The following NEB variants were observed in gnomAD, a reference collection of about 807,000 sequenced individuals.
The protein encoded by NEB is nemaline myopathy type 2.
A neutral mutation model predicts 952.2 loss-of-function variants in NEB; 512 were observed. The observed-to-expected ratio is 0.54, with a 90% confidence interval of 0.50 to 0.58. NEB has a LOEUF of 0.58. NEB is among the 20% of genes least tolerant of loss of function. The pLI, the probability that NEB is intolerant of heterozygous loss-of-function variation, is 0.00. For synonymous variants in NEB, 2,900 were observed against 3,149.8 expected, an observed-to-expected ratio of 0.92 and a Z score of 2.66; for missense variants, 8,428 against 9,231.1, an observed-to-expected ratio of 0.91 and a Z score of 3.56.
intron 12 of NEB, among the ~76,000 whole-genome samples, chr2:151,707,856 G>A (rs2149920230): frequency 6.6e-6 from 1 of 152,270 alleles, no homozygotes; most frequent in South Asian, 2.1e-4. Context: ...AAGCACAGAG[G>A]CATCAACCCC....
chr2:151,664,803 G>A lies in NEB; in HGVS notation c.5299C>T (p.Pro1767Ser), dbSNP rs2099190903. The change falls in exon 43 of 182, where the codon CCG (proline) becomes TCG (serine). Residue 1767 changes from proline (P) to serine (S), a missense_variant. Transcript: ENST00000397345. ...TTTACTCTGGAGAGTAAAATATCCG[G>A]TGTGTCAGGCATGACATGAATGGTG... ...KTTIHVMPDT[P>S]DILLSRVNQI... The A allele has an allele frequency of 1.9e-6, 3 of 1,612,920 alleles. No individual in the cohort carries two copies. The highest frequency in any genetic ancestry group is 2.7e-5 in the African/African-American group (2 of 74,860).
At chr2:151,644,636 T>C in intron 55 of NEB, 61 bp from the exon 56 acceptor site, 1 of 1,320,216 alleles carries the variant, frequency 7.6e-7, no homozygotes. Context: ...TATAGCATAA[T>C]GATCAAATGT....
chr2:151,680,713 A>G lies in NEB; in HGVS notation c.3042+17T>C. ...TTAGTTAACATCTATTAACATATAG[A>G]TAGCATTAACACTTACATCACTCCT... On this transcript the variant is annotated intron_variant, in intron 30 of 181. Coordinates refer to ENST00000397345, the MANE Select transcript of NEB (RefSeq NM_001164508.2). The G allele has an allele frequency of 6.7e-7, 1 of 1,503,210 alleles. No homozygotes were observed. Among genetic ancestry groups the G allele is most frequent in the South Asian group, 1.2e-5 (1 of 85,984 alleles). The allele number at this position is 1,503,210 out of a possible 1,614,324, so 93.1% of individuals were successfully genotyped here.
At chr2:151,545,147 T>C (rs749913865) in intron 135 of NEB, among the ~76,000 whole-genome samples, 1 of 152,350 alleles carries the variant, frequency 6.6e-6, no homozygotes, top group East Asian at 1.9e-4. Context: ...TGAATTGTAC[T>C]GAATGGGCAG....
intron 16 of NEB, among the ~76,000 whole-genome samples, 177 bp downstream of exon 16, chr2:151,696,971 C>T (rs1208189004): frequency 1.3e-5 from 2 of 152,168 alleles, no homozygotes; most frequent in African/African-American, 4.8e-5. Context: ...CTAGAATTAC[C>T]TCTTAAAATG....
At chr2:151,491,972 T>G (rs1341050832) in intron 178 of NEB, 126 bp downstream of exon 178, 1 of 1,114,642 alleles carries the variant, frequency 9.0e-7, no homozygotes, top group Middle Eastern at 2.6e-4. Context: ...TAATAGGAGC[T>G]TTCTTGCACC....
At chr2:151,621,276 G>T (rs1186445909) in intron 71 of NEB, among the ~76,000 whole-genome samples, 1 of 152,144 alleles carries the variant, frequency 6.6e-6, no homozygotes, top group African/African-American at 2.4e-5. Flanking sequence ...TACATTAAAT[G>T]AACACCTCTT....
intron 71 of NEB, among the ~76,000 whole-genome samples, chr2:151,624,800 T>G (rs1441857006): frequency 6.6e-6 from 1 of 152,188 alleles, no homozygotes. Flanking sequence ...TATACATTTT[T>G]GACTTTGGCA....
In NEB at chr2:151,620,343, GTGTGTATATATATATATATATA is replaced by G. The variant is rs1179955376; in HGVS notation, c.10560+554_10560+575del. Among the ~76,000 whole-genome samples the G allele has an allele frequency of 7.1e-3, 346 of 48,896 alleles. 11 individuals are homozygous for G. The highest frequency in any genetic ancestry group is 0.035 in the East Asian group (51 of 1,452). 32.1% of individuals were successfully genotyped at this position (48,896 alleles called of 152,430 possible). A position where few individuals can be genotyped will look rare whatever the true frequency, so the allele number is the denominator to read the frequency against. ...AATTTTATTATATATATATGTATGT[GTGTGTATATATATATATATATA>G]TATATATATATATATATATATATAT... On this transcript the variant is annotated intron_variant, in intron 72 of 181. Coordinates refer to ENST00000397345, the MANE Select transcript of NEB (RefSeq NM_001164508.2).
At chr2:151,494,023 ATGTAG>A in intron 174 of NEB, 133 bp downstream of exon 174, 2 of 891,804 alleles carry the variant, frequency 2.2e-6, no homozygotes, top group Non-Finnish European at 3.6e-6. Context: ...GCTACAGTAA[ATGTAG>A]TGTGATATTT....
chr2:151,698,002 G>A (rs1415163264), intron 13 of NEB, among the ~76,000 whole-genome samples: 1 of 152,160 alleles, frequency 6.6e-6, no homozygotes, highest in Non-Finnish European at 1.5e-5. Flanking sequence ...GGAGGCGGAG[G>A]TTGCAGTGAG....
Position 151,558,663 on chromosome 2 carries a change from G to A in NEB, c.19314+1929C>T, listed in dbSNP as rs1198560789. Among the ~76,000 whole-genome samples the A allele has an allele frequency of 2.6e-5, 4 of 152,262 alleles. No homozygotes were observed. In the East Asian group the frequency reaches 7.7e-4, roughly 29 times the overall value. On this transcript the variant is annotated intron_variant, in intron 124 of 181. Coordinates refer to ENST00000397345, the MANE Select transcript of NEB (RefSeq NM_001164508.2). ...CAACGCCACATATCTACAATCATCT[G>A]ATCTTTGACAAATCTGACAAAAACA...
At chr2:151,565,177 A>C (rs2096297865) in intron 116 of NEB, 29 bp from the exon 117 acceptor site, 1 of 1,113,626 alleles carries the variant, frequency 9.0e-7, no homozygotes, top group African/African-American at 1.6e-5. Context: ...ATCTTTTATT[A>C]CTATAAATGA....
rs1380117115 is a variant in NEB, at chr2:151,595,459, G to C, written c.14205+601C>G. On this transcript the variant is annotated intron_variant, in intron 92 of 181. Transcript: ENST00000397345. ...TTTGTTTGTTTGTATTTTTAGTAGA[G>C]ATGAGGTTTTACCATGTTGGCCAGG... is the stretch of plus-strand genomic sequence containing the variant. Among the ~76,000 whole-genome samples the C allele has an allele frequency of 2.0e-5, 3 of 151,200 alleles. No homozygotes were observed. The South Asian group carries it at 6.3e-4, about 32-fold the overall frequency.
chr2:151,664,510 A>T lies in NEB; in HGVS notation c.5442T>A (p.Ile1814=). 2 of 1,585,512 alleles carry T rather than the reference A, an allele frequency of 1.3e-6. No individual in the cohort carries two copies. Among genetic ancestry groups the T allele is most frequent in the Non-Finnish European group, 1.7e-6 (2 of 1,169,118 alleles). The part of the protein sequence containing the change: ...AIKAARASRD[I]ASDYKYKKAY... ...CAGTGCAAGCACTTACATCACTGGC[A>T]ATGTCTCTAGAGGCTCTTGCAGCCT... Residue 1814 remains isoleucine, a synonymous_variant, in exon 44 of 182, where the codon ATT becomes ATA. Transcript: ENST00000397345.
Position 151,560,580 on chromosome 2 carries a change from T to C in NEB, c.19314+12A>G, listed in dbSNP as rs1347818596. 1 of 1,593,958 alleles carries C rather than the reference T, an allele frequency of 6.3e-7. No individual in the cohort carries two copies. Among genetic ancestry groups the C allele is most frequent in the African/African-American group, 1.3e-5 (1 of 74,662 alleles). On this transcript the variant is annotated intron_variant, in intron 124 of 181. Transcript: ENST00000397345. Reference sequence around the variant, plus strand: ...GAGGGTGGGAAAGCTGTCATGTTTTTGCTTTACTTACATGGCTGGCCAGAT... The same window carrying C: ...GAGGGTGGGAAAGCTGTCATGTTTTCGCTTTACTTACATGGCTGGCCAGAT...
At chr2:151,656,812 A>G (rs1481435011) in intron 48 of NEB, among the ~76,000 whole-genome samples, 2 of 151,534 alleles carry the variant, frequency 1.3e-5, no homozygotes, top group Non-Finnish European at 2.9e-5. Flanking sequence ...TTAGTGCTAA[A>G]GAGGCCTTTA....
intron 153 of NEB, among the ~76,000 whole-genome samples, chr2:151,521,122 A>G (rs1009932888): frequency 6.6e-6 from 1 of 152,104 alleles, no homozygotes; most frequent in African/African-American, 2.4e-5. Context: ...AAGACTCACT[A>G]ACACCAGTAC....
rs1453312460 is a variant in NEB, at chr2:151,690,742, C to T, written c.2295G>A (p.Thr765=). The T allele has an allele frequency of 1.9e-6, 3 of 1,591,984 alleles. No homozygotes were observed. Among genetic ancestry groups the T allele is most frequent in the Non-Finnish European group, 2.6e-6 (3 of 1,168,424 alleles). The change falls in exon 24 of 182, where the codon ACG becomes ACA. Residue 765 remains threonine (T), a synonymous_variant. Coordinates refer to ENST00000397345, the MANE Select transcript of NEB (RefSeq NM_001164508.2). ...AAGCACTTACATCACTAAGCTGTTT[C>T]GTGTTGAGCTGGGCTTGCAACAGTA... The part of the protein sequence containing the change: ...SPVLLQAQLN[T]KQLSDLNYKA...
Sources: gnomAD v4.1 joint callset for allele counts (sites outside exome capture counted in the v4.1 genomes callset) on GRCh38, gnomAD v4.1.1 for gene constraint, MANE v1.5 for transcripts, NCBI Gene and HGNC (gene_info 2026-07-23, HGNC 2026-07-21) for gene names.